The following COL9A1 variants were observed in gnomAD, a reference collection of about 807,000 sequenced individuals.
COL9A1 encodes collagen alpha-1(IX) chain.
Under a neutral mutation model 142.6 loss-of-function variants are expected in COL9A1, and 104 were observed. The observed-to-expected ratio is 0.73, with a 90% confidence interval of 0.62 to 0.86. The LOEUF is 0.86. Among genes scored for constraint, COL9A1 ranks in the 40% least tolerant of loss-of-function variants. COL9A1 has a pLI of 0.00. For synonymous variants in COL9A1, 466 were observed against 396.0 expected, an observed-to-expected ratio of 1.18 and a Z score of -2.10; for missense variants, 1,210 against 1,176.6, an observed-to-expected ratio of 1.03 and a Z score of -0.42.
intron 35 of COL9A1, among the ~76,000 whole-genome samples, chr6:70,234,334 A>G (rs543718930): frequency 2.0e-5 from 3 of 152,276 alleles, no homozygotes; most frequent in East Asian, 3.9e-4. Context: ...CAGAAAAGTA[A>G]TATTTTACAT....
chr6:70,255,578 A>G (rs1343743261), intron 21 of COL9A1, among the ~76,000 whole-genome samples, 188 bp from the exon 22 acceptor site: 2 of 152,230 alleles, frequency 1.3e-5, no homozygotes, highest in Non-Finnish European at 2.9e-5. Flanking sequence ...GGATATTGCC[A>G]TAGAGATAAC....
intron 5 of COL9A1, among the ~76,000 whole-genome samples, chr6:70,285,741 C>A (rs1347434397): frequency 2.0e-5 from 3 of 152,170 alleles, no homozygotes. Flanking sequence ...ATCTACTAAA[C>A]AGAATATAAA....
chr6:70,263,497 A>G (rs10945210), intron 18 of COL9A1, among the ~76,000 whole-genome samples, 200 bp from the exon 19 acceptor site: 3 of 151,954 alleles, frequency 2.0e-5, no homozygotes, highest in Non-Finnish European at 4.4e-5. Context: ...ACATATAAAA[A>G]GTCACCAAAA....
chr6:70,266,900 A>G (rs979382059), intron 17 of COL9A1, 130 bp from the exon 18 acceptor site: 1 of 792,056 alleles, frequency 1.3e-6, no homozygotes, highest in Non-Finnish European at 2.3e-6. Flanking sequence ...CACAAAGAAA[A>G]TTAATGCCTT....
intron 37 of COL9A1, among the ~76,000 whole-genome samples, chr6:70,218,272 T>C (rs552007772): frequency 3.3e-5 from 5 of 152,352 alleles, no homozygotes; most frequent in Admixed American, 1.3e-4. Flanking sequence ...AATTTTCATA[T>C]TTTTCTCATG....
At chr6:70,238,477 T>G (rs2127562573) in intron 33 of COL9A1, among the ~76,000 whole-genome samples, 1 of 152,334 alleles carries the variant, frequency 6.6e-6, no homozygotes, top group East Asian at 1.9e-4. Flanking sequence ...CTTCTAATAA[T>G]TTGCTATTAT....
intron 19 of COL9A1, 185 bp from the exon 20 acceptor site, chr6:70,260,895 G>T: frequency 1.8e-6 from 1 of 542,440 alleles, no homozygotes; most frequent in Non-Finnish European, 3.2e-6. Flanking sequence ...TCTTCTGATG[G>T]TAAACCTTTT....
At chr6:70,280,000 A>C (rs3806099) in intron 10 of COL9A1, 1 of 693,212 alleles carries the variant, frequency 1.4e-6, no homozygotes, top group Non-Finnish European at 2.7e-6. Flanking sequence ...CAGGGACAAA[A>C]TCAAGGACTG....
chr6:70,295,278 CTTCTT>C (rs1258153770), intron 4 of COL9A1, among the ~76,000 whole-genome samples: 1 of 79,398 alleles, frequency 1.3e-5, no homozygotes, highest in African/African-American at 5.6e-5. Context: ...TCTGTTGTTG[CTTCTT>C]TTTTTTTTTT....
intron 37 of COL9A1, among the ~76,000 whole-genome samples, chr6:70,223,942 G>A (rs894574219): frequency 2.0e-5 from 3 of 152,088 alleles, no homozygotes; most frequent in South Asian, 2.1e-4. Context: ...CTGATGGGGA[G>A]AGCAAAGTGA....
chr6:70,280,859 G>A lies in COL9A1; in HGVS notation c.928C>T (p.Pro310Ser), dbSNP rs772253941. The change falls in exon 10 of 38, where the codon CCG becomes TCG. Residue 310 changes from proline (P) to serine (S), a missense_variant. Pro to Ser is a moderately conservative substitution (Grantham distance 74). Transcript: ENST00000357250. ...PPGPPGPAGE[P>S]GKPGAPGKPG... ...TTGCCTGGAGCTCCTGGCTTTCCCG[G>A]TTCACCTGCAGGACCCTGAGCAGGG... The A allele has an allele frequency of 1.2e-6, 2 of 1,613,500 alleles. No individual in the cohort carries two copies. Among genetic ancestry groups the A allele is most frequent in the African/African-American group, 1.3e-5 (1 of 75,048 alleles).
intron 9 of COL9A1, 27 bp from the exon 10 acceptor site, chr6:70,280,901 G>A (rs924868237): frequency 8.1e-6 from 13 of 1,612,960 alleles, no homozygotes; most frequent in Non-Finnish European, 1.0e-5. Flanking sequence ...GGGTGCGGGG[G>A]CAGGAGAGAA....
intron 37 of COL9A1, among the ~76,000 whole-genome samples, chr6:70,220,559 T>C (rs1768817514): frequency 6.6e-6 from 1 of 150,556 alleles, no homozygotes; most frequent in Non-Finnish European, 1.5e-5. Context: ...CCTGTAGAAA[T>C]ACCAGAGAAA....
At chr6:70,229,314 AC>A (rs1412072660) in intron 36 of COL9A1, among the ~76,000 whole-genome samples, 1 of 152,156 alleles carries the variant, frequency 6.6e-6, no homozygotes, top group African/African-American at 2.4e-5. Context: ...AGCTTAGGGA[AC>A]TAAAGGTCCA....
At chr6:70,256,108 G>A (rs1026773728) in intron 21 of COL9A1, among the ~76,000 whole-genome samples, 1 of 152,116 alleles carries the variant, frequency 6.6e-6, no homozygotes, top group Non-Finnish European at 1.5e-5. Context: ...CCTGTACTTT[G>A]CTGTCTTTCC....
At chr6:70,279,046 T>C (rs910270231) in intron 10 of COL9A1, among the ~76,000 whole-genome samples, 2 of 152,198 alleles carry the variant, frequency 1.3e-5, no homozygotes, top group Non-Finnish European at 2.9e-5. Flanking sequence ...AATACCAAAA[T>C]AAATTTTTGA....
intron 19 of COL9A1, among the ~76,000 whole-genome samples, chr6:70,262,554 C>T (rs72924910): frequency 2.6e-4 from 40 of 152,272 alleles, no homozygotes; most frequent in Non-Finnish European, 4.1e-4. Context: ...AGTCTATAAC[C>T]TGGCTAGCTG....
chr6:70,286,139 G>A (rs1300114992), intron 5 of COL9A1, among the ~76,000 whole-genome samples: 16 of 151,904 alleles, frequency 1.1e-4, no homozygotes, highest in African/African-American at 3.2e-4. Flanking sequence ...CGCCTGCCTC[G>A]GCCTCCCAAA....
Position 70,252,420 on chromosome 6 carries a change from C to T in COL9A1, c.1765-105G>A. 1.5e-5 allele frequency: 15 copies of T among 982,900 alleles called. 1 individual carries two copies. The South Asian group carries it at 1.7e-4, about 11-fold the overall frequency. 60.9% of individuals were successfully genotyped at this position (982,900 alleles called of 1,614,324 possible). On this transcript the variant is annotated intron_variant, in intron 26 of 37. Transcript: ENST00000357250. ...CTCTTACATTTGAATAGCATTAATT[C>T]CCTGCTTTCACACTGAGAATCTGGG...
Sources: allele counts gnomAD v4.1 joint callset (sites outside exome capture counted in the v4.1 genomes callset), GRCh38; gene constraint gnomAD v4.1.1; transcripts MANE v1.5; gene names NCBI Gene and HGNC (gene_info 2026-07-23, HGNC 2026-07-21).